Variants in PRRG1 observed in about 807,000 individuals in gnomAD.
PRRG1 encodes the protein proline rich and Gla domain 1.
Under a neutral mutation model 11.8 loss-of-function variants are expected in PRRG1, and 5 were observed. The observed-to-expected ratio is 0.42, with a 90% CI of 0.22 to 0.89. PRRG1 has a LOEUF of 0.89. PRRG1 is among the 40% of genes least tolerant of loss of function. The pLI is 0.28. For missense variants in PRRG1, 155 were observed against 166.1 expected (o/e 0.93, Z 0.37); for synonymous variants, 66 against 60.4 (o/e 1.09, Z -0.43).
At chrX:37,352,920 A>G (rs1474884149) in intron 1 of PRRG1, among the ~76,000 whole-genome samples, 1 of 112,253 alleles carries the variant, frequency 8.9e-6, no homozygotes, top group Non-Finnish European at 1.9e-5. Context: ...GTAATGTCAC[A>G]GTGCAATGCA....
At chrX:37,396,845 G>A (rs1274231275) in intron 1 of PRRG1, among the ~76,000 whole-genome samples, 5 of 110,670 alleles carry the variant, frequency 4.5e-5, no homozygotes, top group African/African-American at 6.6e-5. Context: ...ATTCTTTCTT[G>A]TAGGGGGCTG....
At chrX:37,428,791 C>T (rs1188649939) in intron 3 of PRRG1, among the ~76,000 whole-genome samples, 4 of 112,826 alleles carry the variant, frequency 3.5e-5, no homozygotes, top group African/African-American at 1.3e-4. Flanking sequence ...TTCTCTTCTG[C>T]ACTGCGATAG....
rs782135730 is a variant in PRRG1 at position 37,453,295 on chromosome X, C to T, written c.331C>T (p.Arg111Cys). 6 of 1,206,794 alleles carry T rather than the reference C, an allele frequency of 5.0e-6. No individual in the cohort carries two copies. Among genetic ancestry groups the T allele is most frequent in the East Asian group, 3.0e-5 (1 of 33,759 alleles). The change falls in exon 4 of 4, where the codon CGT becomes TGT. Residue 111 changes from arginine (R) to cysteine (C), a missense_variant. Arg to Cys is a radical substitution (Grantham distance 180, BLOSUM62 -3). Transcript: ENST00000378628. ...GAGATGCTTCCTAAGAAACAAAACT[C>T]GTAGACAGACAGTGACTGAAGGCCA... ...IWRCFLRNKTRRQTVTEGHIP... is the reference protein window; with the variant it reads ...IWRCFLRNKTCRQTVTEGHIP...
At chrX:37,367,225 A>G (rs929156451) in intron 1 of PRRG1, among the ~76,000 whole-genome samples, 3 of 112,437 alleles carry the variant, frequency 2.7e-5, no homozygotes, top group Non-Finnish European at 5.6e-5. Flanking sequence ...TTGATTTTGC[A>G]TTATATTCTT....
intron 3 of PRRG1, among the ~76,000 whole-genome samples, chrX:37,439,966 AT>A (rs1375757731): frequency 9.2e-6 from 1 of 108,569 alleles, no homozygotes; most frequent in Admixed American, 9.9e-5. Flanking sequence ...TGCCCGGCTA[AT>A]TTTTGTATTC....
intron 1 of PRRG1, among the ~76,000 whole-genome samples, chrX:37,353,150 T>C (rs1556365231): frequency 9.0e-6 from 1 of 111,646 alleles, no homozygotes; most frequent in African/African-American, 3.3e-5. Context: ...AACCTTCCAG[T>C]GGAACAAGAT....
chrX:37,417,472 T>G (rs1396761142), intron 2 of PRRG1, among the ~76,000 whole-genome samples: 1 of 111,738 alleles, frequency 8.9e-6, no homozygotes, highest in Non-Finnish European at 1.9e-5. Context: ...TATAAACATA[T>G]CAGCTATGAA....
intron 2 of PRRG1, 194 bp from the exon 3 acceptor site, chrX:37,425,646 A>G: frequency 5.4e-6 from 2 of 368,118 alleles, no homozygotes; most frequent in Non-Finnish European, 9.5e-6. Flanking sequence ...GCCCAGGGCA[A>G]CTGCTATTGA....
chrX:37,425,731 A>G, intron 2 of PRRG1, 109 bp from the exon 3 acceptor site: 5 of 679,567 alleles, frequency 7.4e-6, no homozygotes, highest in Non-Finnish European at 8.5e-6. Flanking sequence ...TTGCTGACTC[A>G]CGGAAAGAGG....
chrX:37,432,199 T>A (rs1450502269), intron 3 of PRRG1, among the ~76,000 whole-genome samples: 2 of 110,035 alleles, frequency 1.8e-5, no homozygotes, highest in Non-Finnish European at 3.8e-5. Flanking sequence ...GCCATTCTCC[T>A]GCCTCAGCCT....
chrX:37,452,452 A>C (rs2146641256), intron 3 of PRRG1, among the ~76,000 whole-genome samples: 1 of 112,107 alleles, frequency 8.9e-6, no homozygotes, highest in African/African-American at 3.2e-5. Context: ...TACATACGTT[A>C]AAGTCTTGAA....
At chrX:37,450,334 A>G (rs1320052788) in intron 3 of PRRG1, among the ~76,000 whole-genome samples, 2 of 112,117 alleles carry the variant, frequency 1.8e-5, no homozygotes, top group Non-Finnish European at 3.8e-5. Flanking sequence ...CAGAGCCTAC[A>G]GTATTTTATG....
At chrX:37,349,798 G>A (rs782561383) in intron 1 of PRRG1, among the ~76,000 whole-genome samples, 21 of 110,911 alleles carry the variant, frequency 1.9e-4, no homozygotes, top group Admixed American at 1.6e-3. Flanking sequence ...CTGGTGCAGA[G>A]TTGCTAGAAA....
intron 3 of PRRG1, among the ~76,000 whole-genome samples, chrX:37,434,405 G>A (rs1407623578): frequency 8.9e-6 from 1 of 111,997 alleles, no homozygotes; most frequent in Non-Finnish European, 1.9e-5. Context: ...TGGCATTTGA[G>A]TTCTGATAGA....
intron 2 of PRRG1, chrX:37,425,620 T>G: frequency 3.0e-6 from 1 of 328,942 alleles, no homozygotes; most frequent in Non-Finnish European, 5.4e-6. Context: ...ACATAGTTAA[T>G]TATGTCACTG....
chrX:37,356,494 G>A (rs75481442), intron 1 of PRRG1, among the ~76,000 whole-genome samples: 1 of 111,290 alleles, frequency 9.0e-6, no homozygotes, highest in African/African-American at 3.3e-5. Flanking sequence ...ATGAGAAGGG[G>A]TGAATAATAA....
intron 1 of PRRG1, among the ~76,000 whole-genome samples, chrX:37,349,944 C>G (rs1930000498): frequency 9.2e-6 from 1 of 108,505 alleles, no homozygotes; most frequent in Non-Finnish European, 1.9e-5. Flanking sequence ...CCATTGTGCC[C>G]GTGGACATTT....
At chrX:37,441,863 G>T in intron 3 of PRRG1, 1 of 779,095 alleles carries the variant, frequency 1.3e-6, no homozygotes, top group Non-Finnish European at 1.5e-6. Flanking sequence ...GTCAACCAGA[G>T]CCTCCTGGAG....
At chrX:37,408,396 G>A (rs1391219628) in intron 2 of PRRG1, among the ~76,000 whole-genome samples, 1 of 111,908 alleles carries the variant, frequency 8.9e-6, no homozygotes, top group Non-Finnish European at 1.9e-5. Flanking sequence ...GTTTGACCAG[G>A]TATGTCGTTG....
Sources: allele counts gnomAD v4.1 joint callset (sites outside exome capture counted in the v4.1 genomes callset), GRCh38; gene constraint gnomAD v4.1.1; transcripts MANE v1.5; gene names NCBI Gene and HGNC (gene_info 2026-07-23, HGNC 2026-07-21).